Variants in SEC24B observed in about 807,000 individuals in gnomAD.
SEC24B encodes protein transport protein Sec24B.
In SEC24B, 45 loss-of-function variants were observed where a neutral mutation model predicts 142.8. That is an observed-to-expected ratio of 0.32 (90% CI 0.25 to 0.40). The LOEUF (loss-of-function observed/expected upper bound fraction) is 0.40, where lower values mean the gene tolerates loss of function less well. Among genes scored for constraint, SEC24B ranks in the 10% least tolerant of loss-of-function variants. The pLI, the probability that SEC24B is intolerant of heterozygous loss-of-function variation, is 1.00. For synonymous variants in SEC24B, 574 were observed against 568.2 expected (o/e 1.01, Z -0.15); for missense variants, 1,409 against 1,526.8 (o/e 0.92, Z 1.29).
intron 1 of SEC24B, among the ~76,000 whole-genome samples, chr4:109,458,195 A>G (rs1008552915): frequency 6.6e-6 from 1 of 152,064 alleles, no homozygotes; most frequent in Non-Finnish European, 1.5e-5. Flanking sequence ...TACTGTAGAG[A>G]CCATTTAGCA....
chr4:109,498,234 T>C (rs1156650714), intron 6 of SEC24B, among the ~76,000 whole-genome samples: 2 of 152,232 alleles, frequency 1.3e-5, no homozygotes, highest in Non-Finnish European at 2.9e-5. Flanking sequence ...CACTACTGTT[T>C]TAGGGTCAGT....
chr4:109,517,983 T>TTTATTTA (rs1561167440), intron 11 of SEC24B, among the ~76,000 whole-genome samples: 3 of 141,272 alleles, frequency 2.1e-5, no homozygotes, highest in African/African-American at 8.6e-5. Flanking sequence ...TTATTTATTT[T>TTTATTTA]TTGAGACAGA....
intron 1 of SEC24B, among the ~76,000 whole-genome samples, chr4:109,435,843 T>C (rs1728360833): frequency 6.6e-6 from 1 of 152,116 alleles, no homozygotes; most frequent in Non-Finnish European, 1.5e-5. Flanking sequence ...TTGGTAATGT[T>C]TGAATTGGTT....
intron 1 of SEC24B, among the ~76,000 whole-genome samples, chr4:109,444,198 G>C (rs1324793816): frequency 7.5e-6 from 1 of 133,456 alleles, no homozygotes; most frequent in Non-Finnish European, 1.5e-5. Flanking sequence ...TGGGCAACAA[G>C]AGCTAAACTC....
At chr4:109,530,220 A>C (rs1014940653) in intron 18 of SEC24B, 69 bp from the exon 19 acceptor site, 2 of 1,357,006 alleles carry the variant, frequency 1.5e-6, no homozygotes, top group African/African-American at 2.9e-5. Context: ...AATGCGTATA[A>C]ATTTTCTCTC....
At chr4:109,470,406 G>A (rs1481465351) in intron 2 of SEC24B, among the ~76,000 whole-genome samples, 1 of 152,186 alleles carries the variant, frequency 6.6e-6, no homozygotes, top group African/African-American at 2.4e-5. Flanking sequence ...CTTTGAGTAT[G>A]AGGGCCATAA....
intron 22 of SEC24B, among the ~76,000 whole-genome samples, chr4:109,536,856 A>G (rs897759640): frequency 1.6e-4 from 25 of 151,672 alleles, no homozygotes; most frequent in Admixed American, 1.6e-3. Context: ...ATAATATTAG[A>G]ATGGGTAACG....
intron 1 of SEC24B, chr4:109,449,657 C>T (rs568997590): frequency 1.8e-4 from 66 of 362,558 alleles, no homozygotes; most frequent in African/African-American, 9.5e-4. Context: ...GGTATGTGCA[C>T]GTAGAGAGAT....
intron 6 of SEC24B, among the ~76,000 whole-genome samples, chr4:109,497,851 C>G (rs944001329): frequency 6.6e-6 from 1 of 152,168 alleles, no homozygotes; most frequent in African/African-American, 2.4e-5. Context: ...CATTTTTCAA[C>G]TTTAGCAGTT....
chr4:109,478,839 G>C (rs1398549430), intron 3 of SEC24B, among the ~76,000 whole-genome samples: 1 of 152,222 alleles, frequency 6.6e-6, no homozygotes, highest in Non-Finnish European at 1.5e-5. Flanking sequence ...TTTGAGGAAA[G>C]AGTACTTACA....
At chr4:109,494,540 T>C in intron 5 of SEC24B, 75 bp from the exon 6 acceptor site, 1 of 1,578,020 alleles carries the variant, frequency 6.3e-7, no homozygotes, top group South Asian at 1.1e-5. Context: ...TCAGGGGTTA[T>C]GGACTGGATC....
chr4:109,470,036 C>T (rs1732351181), intron 2 of SEC24B, among the ~76,000 whole-genome samples: 1 of 152,090 alleles, frequency 6.6e-6, no homozygotes, highest in Admixed American at 6.6e-5. Context: ...CAAATTAAAA[C>T]TAGAATGGGA....
chr4:109,517,091 G>C (rs372613641), intron 11 of SEC24B, among the ~76,000 whole-genome samples: 1 of 152,106 alleles, frequency 6.6e-6, no homozygotes, highest in Non-Finnish European at 1.5e-5. Flanking sequence ...TACAATTGTC[G>C]TATGATCCAG....
At chr4:109,532,791 A>C (rs1054696924) in intron 21 of SEC24B, 48 bp downstream of exon 21, 2 of 891,572 alleles carry the variant, frequency 2.2e-6, no homozygotes. Flanking sequence ...AGCTGACCAA[A>C]AACAAAGAAA....
intron 1 of SEC24B, among the ~76,000 whole-genome samples, chr4:109,452,528 G>A (rs1345833474): frequency 1.3e-5 from 2 of 152,230 alleles, no homozygotes; most frequent in Non-Finnish European, 2.9e-5. Flanking sequence ...ATACTAGTAT[G>A]TATTCCCTCC....
chr4:109,475,050 A>G (rs1461779514), intron 3 of SEC24B, among the ~76,000 whole-genome samples: 4 of 152,220 alleles, frequency 2.6e-5, no homozygotes, highest in Non-Finnish European at 5.9e-5. Context: ...AAGATTTTTT[A>G]ACTCAGATCT....
At chr4:109,512,332 G>A (rs370281598) in intron 9 of SEC24B, among the ~76,000 whole-genome samples, 1 of 152,158 alleles carries the variant, frequency 6.6e-6, no homozygotes, top group South Asian at 2.1e-4. Flanking sequence ...ACTCATGCAG[G>A]TGAGCTTATG....
At chr4:109,464,291 GC>G (rs1731627290) in intron 2 of SEC24B, among the ~76,000 whole-genome samples, 1 of 149,752 alleles carries the variant, frequency 6.7e-6, no homozygotes, top group African/African-American at 2.5e-5. Context: ...GACGTGGCTT[GC>G]CCTTTTTTTT....
At chr4:109,509,931 G>C (rs770243998) in intron 7 of SEC24B, 78 bp from the exon 8 acceptor site, 2 of 816,348 alleles carry the variant, frequency 2.4e-6, no homozygotes, top group Non-Finnish European at 3.8e-6. Flanking sequence ...GTCCTTAAAT[G>C]TTCTTAGTTA....
Sources: allele counts gnomAD v4.1 joint callset (sites outside exome capture counted in the v4.1 genomes callset), GRCh38; gene constraint gnomAD v4.1.1; transcripts MANE v1.5; gene names NCBI Gene and HGNC (gene_info 2026-07-23, HGNC 2026-07-21).